DOK4: variants seen among roughly 807,000 people sequenced by gnomAD.
The protein encoded by DOK4 is downstream of tyrosine kinase 4.
DOK4 carries 26 observed loss-of-function variants against 40.1 expected under a neutral mutation model. The observed-to-expected ratio is 0.65, with a 90% CI of 0.48 to 0.90. The LOEUF (loss-of-function observed/expected upper bound fraction) is 0.90, where lower values mean the gene tolerates loss of function less well. Ranked by LOEUF, DOK4 falls within the 40% of genes least tolerant of loss-of-function variation. The pLI, the probability that DOK4 is intolerant of heterozygous loss-of-function variation, is 0.00. For missense variants in DOK4, 392 were observed against 437.2 expected (o/e 0.90, Z 0.92); for synonymous variants, 179 against 177.0 (o/e 1.01, Z -0.09).
At chr16:57,473,641 C>T (rs780481377) in exon 8 of DOK4, 5 of 1,614,252 alleles carry the variant, frequency 3.1e-6, no homozygotes, top group Admixed American at 3.3e-5. Context: ...CGGCGATGTT[C>T]TGGGAACCAG....
chr16:57,476,499 G>C (rs1050132578), intron 2 of DOK4, among the ~76,000 whole-genome samples: 1 of 152,156 alleles, frequency 6.6e-6, no homozygotes, highest in African/African-American at 2.4e-5. Context: ...GGGGTCTCCT[G>C]GGGATAGGGA....
intron 3 of DOK4, 75 bp downstream of exon 3, chr16:57,475,774 TC>T: frequency 1.0e-6 from 1 of 953,410 alleles, no homozygotes; most frequent in Non-Finnish European, 1.5e-6. Context: ...TCTCCCTCTC[TC>T]CCCTCTCTCC....
chr16:57,475,783 T>TC, intron 3 of DOK4, 67 bp downstream of exon 3: 1 of 1,164,220 alleles, frequency 8.6e-7, no homozygotes, highest in Non-Finnish European at 1.2e-6. Flanking sequence ...CTCCCCTCTC[T>TC]CCCTCTCTCT....
At chr16:57,483,501 G>C (rs1003602394) in intron 1 of DOK4, among the ~76,000 whole-genome samples, 1 of 152,070 alleles carries the variant, frequency 6.6e-6, no homozygotes, top group African/African-American at 2.4e-5. Flanking sequence ...CATGTGGCAC[G>C]TGCCTGTAGT....
intron 2 of DOK4, 86 bp from the exon 3 acceptor site, chr16:57,476,043 A>C: frequency 8.2e-7 from 1 of 1,217,720 alleles, no homozygotes; most frequent in African/African-American, 1.5e-5. Flanking sequence ...TGCCTGCCAC[A>C]GGGGGCGGTG....
exon 9 of DOK4, chr16:57,472,982 G>A (rs2030935288): frequency 5.8e-6 from 1 of 173,384 alleles, no homozygotes; most frequent in African/African-American, 2.4e-5. Context: ...GCAGCAGGAG[G>A]GCTGTGCCAT....
intron 6 of DOK4, 120 bp downstream of exon 6, chr16:57,474,673 C>T (rs1218517567): frequency 2.6e-5 from 33 of 1,246,494 alleles, no homozygotes; most frequent in Non-Finnish European, 3.4e-5. Flanking sequence ...CATTACATTC[C>T]CCCTTGGGAT....
At chr16:57,473,205 G>T in exon 9 of DOK4, 1 of 958,238 alleles carries the variant, frequency 1.0e-6, no homozygotes, top group Non-Finnish European at 1.5e-6. Context: ...CTCAGGTGGT[G>T]TGGCCAGCCC....
rs2031340476 is a variant in DOK4 at position 57,479,606 on chromosome 16, ACT to A, written c.-101_-100del. ...GCTCCTCCAATCACCTGTTCCAGAC[ACT>A]CTGTCGGGGCTGCCGCGAGGGGCTG... On this transcript the variant is annotated 5_prime_UTR_variant, in exon 2 of 9. Coordinates refer to ENST00000340099, the Ensembl canonical transcript of DOK4. The surrounding 1 kb of genome is among the most constrained non-coding windows in gnomAD (Gnocchi z 5.8). 2.2e-6 allele frequency: 3 copies of A among 1,373,966 alleles called. No individual in the cohort carries two copies. Among genetic ancestry groups the A allele is most frequent in the Non-Finnish European group, 3.1e-6 (3 of 979,138 alleles). 85.1% of individuals were successfully genotyped at this position (1,373,966 alleles called of 1,614,324 possible).
chr16:57,475,078 C>T (rs375920480), intron 5 of DOK4, 22 bp downstream of exon 5: 2 of 1,608,852 alleles, frequency 1.2e-6, no homozygotes, highest in African/African-American at 1.3e-5. Context: ...TCCCCACCCC[C>T]AGGGCCAGGG....
At chr16:57,482,463 T>C (rs2031445566) in intron 1 of DOK4, among the ~76,000 whole-genome samples, 1 of 141,574 alleles carries the variant, frequency 7.1e-6, no homozygotes, top group Non-Finnish European at 1.5e-5. Context: ...GCCTCCCGGG[T>C]TCACGCCATT....
At chr16:57,477,576 G>A (rs1482834332) in intron 2 of DOK4, among the ~76,000 whole-genome samples, 1 of 152,222 alleles carries the variant, frequency 6.6e-6, no homozygotes, top group Non-Finnish European at 1.5e-5. Flanking sequence ...AGAAGGCCTG[G>A]GGGCCTGAGC....
intron 2 of DOK4, among the ~76,000 whole-genome samples, chr16:57,477,145 C>T (rs1198086301): frequency 2.0e-5 from 3 of 152,200 alleles, no homozygotes; most frequent in Non-Finnish European, 4.4e-5. Flanking sequence ...GGCCCCACCC[C>T]TCCTCGGCCC....
chr16:57,484,827 G>A (rs1027682116), intron 1 of DOK4, among the ~76,000 whole-genome samples: 2 of 152,106 alleles, frequency 1.3e-5, no homozygotes, highest in African/African-American at 4.8e-5. Flanking sequence ...TGTCTTCATC[G>A]CACATCACCA....
At chr16:57,475,155 G>A (rs369421485) in exon 5 of DOK4, 2 of 1,613,808 alleles carry the variant, frequency 1.2e-6, no homozygotes, top group African/African-American at 2.7e-5. Flanking sequence ...CCAGACTGAT[G>A]TCGTTGAGGC....
chr16:57,482,058 GT>G (rs2031426544), intron 1 of DOK4, among the ~76,000 whole-genome samples: 1 of 152,106 alleles, frequency 6.6e-6, no homozygotes, highest in Admixed American at 6.5e-5. Flanking sequence ...TAGAGACGGG[GT>G]TTCACCGTGT....
intron 1 of DOK4, chr16:57,480,303 C>G (rs2031367005): frequency 6.6e-6 from 1 of 152,478 alleles, no homozygotes; most frequent in Non-Finnish European, 1.5e-5. Flanking sequence ...ACCTGTTTCT[C>G]TCCAGCCCCA....
chr16:57,478,070 C>A (rs1203007034), intron 2 of DOK4, among the ~76,000 whole-genome samples: 1 of 152,234 alleles, frequency 6.6e-6, no homozygotes, highest in Non-Finnish European at 1.5e-5. Context: ...AAGTCTGGGG[C>A]CATAGGAATG....
At position 57,474,545 on chromosome 16, in the gene DOK4, A is replaced by G. The variant is rs531821840; in HGVS notation, c.599+248T>C. ...AGAAGTAGTAAGTGCCTGAACCTGC[A>G]TTTGACTTAAGCCAAAGTAGTATAT... On this transcript the variant is annotated intron_variant, in intron 6 of 8. Transcript: ENST00000340099. Among the ~76,000 whole-genome samples the G allele has an allele frequency of 7.2e-5, 11 of 152,358 alleles. No individual in the cohort carries two copies. The East Asian group carries it at 2.1e-3, about 29-fold the overall frequency.
Sources: allele counts gnomAD v4.1 joint callset (sites outside exome capture counted in the v4.1 genomes callset), GRCh38; gene constraint gnomAD v4.1.1; non-coding constraint Gnocchi (gnomAD v3.1); transcripts MANE v1.5; gene names NCBI Gene and HGNC (gene_info 2026-07-23, HGNC 2026-07-21).